The following MACROD2 variants were observed in gnomAD, a reference collection of about 807,000 sequenced individuals.
MACROD2 encodes the protein mono-ADP ribosylhydrolase 2.
In MACROD2, 36 loss-of-function variants were observed where a neutral mutation model predicts 70.4. The observed-to-expected ratio is 0.51, with a 90% CI of 0.39 to 0.68. The LOEUF is 0.68. Among genes scored for constraint, MACROD2 ranks in the 30% least tolerant of loss-of-function variants. The pLI is 0.00. For missense variants in MACROD2, 496 were observed against 538.4 expected, an observed-to-expected ratio of 0.92 and a Z score of 0.78; for synonymous variants, 172 against 178.8, an observed-to-expected ratio of 0.96 and a Z score of 0.30.
intron 5 of MACROD2, among the ~76,000 whole-genome samples, chr20:15,085,725 G>C (rs944519519): frequency 6.6e-6 from 1 of 151,902 alleles, no homozygotes; most frequent in South Asian, 2.1e-4. Flanking sequence ...GGTCTACACT[G>C]ATCACCACTT....
intron 4 of MACROD2, among the ~76,000 whole-genome samples, chr20:14,608,744 A>G (rs796745737): frequency 3.9e-5 from 6 of 152,266 alleles, no homozygotes; most frequent in African/African-American, 1.4e-4. Context: ...ATATAACTTT[A>G]AACAGTGAAT....
intron 6 of MACROD2, among the ~76,000 whole-genome samples, chr20:15,390,679 C>G (rs1344946237): frequency 6.6e-6 from 1 of 151,970 alleles, no homozygotes; most frequent in East Asian, 1.9e-4. Context: ...AATAAAAGTT[C>G]CAACTTTTAC....
intron 5 of MACROD2, among the ~76,000 whole-genome samples, chr20:15,218,748 T>C (rs1163409943): frequency 2.0e-5 from 3 of 152,258 alleles, no homozygotes; most frequent in Middle Eastern, 3.4e-3. Context: ...ATTTTGAAGA[T>C]TGAGCAGAAA....
chr20:15,407,454 CTTT>C (rs1568783824), intron 6 of MACROD2, among the ~76,000 whole-genome samples: 1 of 152,190 alleles, frequency 6.6e-6, no homozygotes, highest in African/African-American at 2.4e-5. Context: ...AAATAAGATA[CTTT>C]TTCCAAAATC....
At chr20:15,180,972 A>G (rs2076496436) in intron 5 of MACROD2, among the ~76,000 whole-genome samples, 2 of 152,346 alleles carry the variant, frequency 1.3e-5, no homozygotes, top group East Asian at 1.9e-4. Context: ...TTTTATATGC[A>G]GTGGTCCCAT....
chr20:14,188,550 T>A (rs1601327993), intron 3 of MACROD2, among the ~76,000 whole-genome samples: 1 of 152,168 alleles, frequency 6.6e-6, no homozygotes, highest in South Asian at 2.1e-4. Flanking sequence ...AGGATTTTCT[T>A]ATAAAAACAA....
intron 2 of MACROD2, among the ~76,000 whole-genome samples, chr20:14,059,728 C>T (rs1013174665): frequency 6.6e-6 from 1 of 151,992 alleles, no homozygotes; most frequent in Non-Finnish European, 1.5e-5. Flanking sequence ...TAGTCATGAA[C>T]GAAACAGGAT....
intron 3 of MACROD2, among the ~76,000 whole-genome samples, chr20:14,215,681 G>C (rs1288947934): frequency 6.6e-6 from 1 of 151,972 alleles, no homozygotes; most frequent in Admixed American, 6.6e-5. Context: ...CTACTGTTTT[G>C]TGATTTTTTT....
chr20:14,042,819 ACTAT>A (rs2053411907), intron 2 of MACROD2, among the ~76,000 whole-genome samples: 1 of 152,042 alleles, frequency 6.6e-6, no homozygotes, highest in Non-Finnish European at 1.5e-5. Flanking sequence ...CAGTTCTCAC[ACTAT>A]CTACCTGAAG....
chr20:14,767,442 G>A (rs2072105778), intron 5 of MACROD2, among the ~76,000 whole-genome samples: 1 of 151,894 alleles, frequency 6.6e-6, no homozygotes, highest in South Asian at 2.1e-4. Flanking sequence ...GGTGCTAAGA[G>A]GCCCTTAGAA....
Position 15,872,662 on chromosome 20 carries a change from T to C in MACROD2, c.727+9836T>C, listed in dbSNP as rs546758089. On this transcript the variant is annotated intron_variant, in intron 9 of 17. Coordinates refer to ENST00000684519, the MANE Select transcript of MACROD2 (RefSeq NM_001351661.2). ...TTTAAATATCCATGTTTATTTCTTA[T>C]TACAATTTTAAAAGTAAGTAGTTCA... is the stretch of plus-strand genomic sequence containing the variant. 3.4e-4 allele frequency among the ~76,000 whole-genome samples: 52 copies of C among 152,330 alleles called. 1 individual carries two copies. In the South Asian group the frequency reaches 9.9e-3, roughly 29 times the overall value.
chr20:14,603,013 T>C (rs549880006), intron 4 of MACROD2, among the ~76,000 whole-genome samples: 8 of 152,314 alleles, frequency 5.3e-5, no homozygotes, highest in African/African-American at 1.4e-4. Flanking sequence ...ACAACAAATA[T>C]CACCACTAGG....
chr20:14,684,189 A>G (rs576045701), intron 4 of MACROD2, among the ~76,000 whole-genome samples: 3 of 152,286 alleles, frequency 2.0e-5, no homozygotes, highest in African/African-American at 7.2e-5. Context: ...GGGTGGTCTT[A>G]TGGGTGTTAA....
At chr20:15,901,828 G>C (rs906103368) in intron 10 of MACROD2, among the ~76,000 whole-genome samples, 1 of 152,182 alleles carries the variant, frequency 6.6e-6, no homozygotes, top group African/African-American at 2.4e-5. Flanking sequence ...CCTCAGTTCA[G>C]AGCTTGCCAC....
At chr20:15,116,295 C>T (rs1394826873) in intron 5 of MACROD2, among the ~76,000 whole-genome samples, 1 of 152,120 alleles carries the variant, frequency 6.6e-6, no homozygotes, top group Non-Finnish European at 1.5e-5. Context: ...TCAGCCTACT[C>T]AACATGAAGA....
chr20:15,377,941 A>G (rs1366751853), intron 6 of MACROD2, among the ~76,000 whole-genome samples: 1 of 152,034 alleles, frequency 6.6e-6, no homozygotes, highest in East Asian at 1.9e-4. Flanking sequence ...GAGTTGAACA[A>G]TGAGAACACA....
At chr20:14,172,723 T>C (rs1055687946) in intron 3 of MACROD2, among the ~76,000 whole-genome samples, 2 of 152,216 alleles carry the variant, frequency 1.3e-5, no homozygotes, top group African/African-American at 4.8e-5. Context: ...TTGGTTTTTT[T>C]CATTGTGTTT....
At chr20:15,571,032 G>T (rs16996020) in intron 8 of MACROD2, among the ~76,000 whole-genome samples, 2,011 of 152,108 alleles carry the variant, frequency 0.013, 45 homozygotes, top group African/African-American at 0.045. Flanking sequence ...ATCTTTTCTT[G>T]TACCCGCTGG....
At chr20:15,504,828 CTGTTATGGAAATGAACAGTAGAAA>C (rs1471709791) in intron 8 of MACROD2, among the ~76,000 whole-genome samples, 1 of 152,158 alleles carries the variant, frequency 6.6e-6, no homozygotes, top group African/African-American at 2.4e-5. Flanking sequence ...AAATAAGGGA[CTGTTATGGAAATGAACAGTAGAAA>C]TGTGGCCTAG....
Sources: allele counts gnomAD v4.1 joint callset (sites outside exome capture counted in the v4.1 genomes callset), GRCh38; gene constraint gnomAD v4.1.1; transcripts MANE v1.5; gene names NCBI Gene and HGNC (gene_info 2026-07-23, HGNC 2026-07-21).